LAMA3: variants seen among roughly 807,000 people sequenced by gnomAD.
The protein encoded by LAMA3 is laminin subunit alpha-3.
Under a neutral mutation model 402.0 loss-of-function variants are expected in LAMA3, and 281 were observed. The ratio of observed to expected loss-of-function variants is 0.70; its 90% CI spans 0.63 to 0.77. The LOEUF (loss-of-function observed/expected upper bound fraction) is 0.77, where lower values mean the gene tolerates loss of function less well. LAMA3 is among the 30% of genes least tolerant of loss of function. LAMA3 has a pLI of 0.00. For missense variants in LAMA3, 3,840 were observed against 4,215.5 expected, an observed-to-expected ratio of 0.91 and a Z score of 2.47; for synonymous variants, 1,431 against 1,558.4, an observed-to-expected ratio of 0.92 and a Z score of 1.93.
intron 10 of LAMA3, among the ~76,000 whole-genome samples, chr18:23,776,439 T>C (rs2062320479): frequency 6.6e-6 from 1 of 152,132 alleles, no homozygotes; most frequent in Non-Finnish European, 1.5e-5. Context: ...CTGTAGAGCA[T>C]GAAACAGGAG....
chr18:23,711,907 G>A (rs2060996951), intron 1 of LAMA3, among the ~76,000 whole-genome samples: 1 of 152,136 alleles, frequency 6.6e-6, no homozygotes, highest in Admixed American at 6.5e-5. Flanking sequence ...TAAATCATAA[G>A]CATTCCCATT....
At chr18:23,951,898 CG>C in intron 73 of LAMA3, 121 bp downstream of exon 73, 1 of 751,010 alleles carries the variant, frequency 1.3e-6, no homozygotes, top group Non-Finnish European at 2.4e-6. Flanking sequence ...GGCCAGCCCC[CG>C]AGGCTAACGT....
At chr18:23,767,688 C>T (rs1221095704) in intron 8 of LAMA3, among the ~76,000 whole-genome samples, 1 of 151,540 alleles carries the variant, frequency 6.6e-6, no homozygotes, top group African/African-American at 2.4e-5. Flanking sequence ...ATTCTCCTGC[C>T]TCAGCCTCCC....
chr18:23,806,952 C>T (rs140436933), intron 12 of LAMA3, among the ~76,000 whole-genome samples: 3 of 152,272 alleles, frequency 2.0e-5, no homozygotes, highest in African/African-American at 2.4e-5. Context: ...ATTAGTTTGA[C>T]GGAAATGTTC....
intron 12 of LAMA3, among the ~76,000 whole-genome samples, chr18:23,787,192 G>T (rs1359408006): frequency 1.3e-5 from 2 of 152,178 alleles, no homozygotes; most frequent in Non-Finnish European, 2.9e-5. Context: ...TGAGGCAAGA[G>T]AATTGCTTGA....
chr18:23,851,949 CT>C (rs2063955128), intron 32 of LAMA3, among the ~76,000 whole-genome samples: 1 of 144,498 alleles, frequency 6.9e-6, no homozygotes, highest in Non-Finnish European at 1.5e-5. Context: ...CCATTTCTCC[CT>C]TTGGGTTAAA....
chr18:23,857,886 T>G lies in LAMA3; in HGVS notation c.4179T>G (p.Ala1393=). The change falls in exon 33 of 75, where the codon GCT becomes GCG. Residue 1393 remains alanine (A), a synonymous_variant. Coordinates refer to ENST00000313654, the MANE Select transcript of LAMA3 (RefSeq NM_198129.4). ...CAGGGCGGCAGTGTGACCGATGTGC[T>G]TCCGGGTTTTACCGCTTTCCTGAGT... The part of the protein sequence containing the change: ...RITGRQCDRC[A]SGFYRFPECV... 2 of 1,614,262 alleles carry G rather than the reference T, an allele frequency of 1.2e-6. No homozygotes were observed. The highest frequency in any genetic ancestry group is 1.7e-6 in the Non-Finnish European group (2 of 1,180,046).
intron 1 of LAMA3, among the ~76,000 whole-genome samples, chr18:23,708,433 A>G (rs924678365): frequency 3.3e-5 from 5 of 152,174 alleles, no homozygotes; most frequent in African/African-American, 1.2e-4. Flanking sequence ...TATTGTCTCT[A>G]TAGCTTAATT....
In LAMA3 at chr18:23,714,042, CA is replaced by C; in HGVS notation, c.418del (p.Arg140GlufsTer18). 1 of 1,613,908 alleles carries C rather than the reference CA, an allele frequency of 6.2e-7. No individual in the cohort carries two copies. Among genetic ancestry groups the C allele is most frequent in the Non-Finnish European group, 8.5e-7 (1 of 1,179,958 alleles). ...PPLSSGTQYNRVNLTLDLGQL... is the reference protein window; with the variant it reads ...PPLSSGTQYNXVNLTLDLGQL... ...CCCTGTCCTCAGGCACACAGTACAA[CA>C]GAGTCAACCTCACCTTGGATCTGGG... On this transcript the variant is annotated frameshift_variant, in exon 2 of 75. Transcript: ENST00000313654. LOFTEE classifies it high-confidence loss of function.
At chr18:23,747,883 T>C in intron 2 of LAMA3, 60 bp from the exon 3 acceptor site, 1 of 963,662 alleles carries the variant, frequency 1.0e-6, no homozygotes, top group South Asian at 1.3e-5. Context: ...CACATAGAGA[T>C]GGTAGAAGCT....
chr18:23,698,276 G>C (rs1000025785), intron 1 of LAMA3, among the ~76,000 whole-genome samples: 2 of 146,660 alleles, frequency 1.4e-5, no homozygotes, highest in African/African-American at 5.1e-5. Flanking sequence ...GCGCGATCTC[G>C]GCTCACTGCG....
intron 55 of LAMA3, among the ~76,000 whole-genome samples, chr18:23,910,705 A>G (rs542605097): frequency 3.9e-5 from 6 of 152,192 alleles, no homozygotes; most frequent in African/African-American, 1.4e-4. Context: ...ACACACAAAG[A>G]TTTTTTTTAA....
chr18:23,881,413 G>T (rs543312119), intron 39 of LAMA3, among the ~76,000 whole-genome samples: 1 of 152,288 alleles, frequency 6.6e-6, no homozygotes, highest in East Asian at 1.9e-4. Flanking sequence ...ATTGTTAGGT[G>T]AACCGTGAAG....
intron 32 of LAMA3, 75 bp downstream of exon 32, chr18:23,847,743 T>C: frequency 1.4e-6 from 2 of 1,452,644 alleles, no homozygotes; most frequent in Non-Finnish European, 1.9e-6. Context: ...CTGGTCATCG[T>C]CACTTTCCAC....
At chr18:23,701,516 A>T (rs1194356956) in intron 1 of LAMA3, among the ~76,000 whole-genome samples, 1 of 152,202 alleles carries the variant, frequency 6.6e-6, no homozygotes, top group Non-Finnish European at 1.5e-5. Flanking sequence ...TGGTTGGTTA[A>T]AAACTTCTGA....
At chr18:23,886,873 A>G (rs2065089783) in intron 41 of LAMA3, among the ~76,000 whole-genome samples, 1 of 152,154 alleles carries the variant, frequency 6.6e-6, no homozygotes, top group South Asian at 2.1e-4. Flanking sequence ...GAGGCAGGTT[A>G]GGTTGGGGAA....
intron 12 of LAMA3, among the ~76,000 whole-genome samples, chr18:23,793,331 T>C (rs8091948): frequency 0.79 from 120,369 of 151,710 alleles, 48,519 homozygotes; most frequent in African/African-American, 0.94. Context: ...TGGCTTACCC[T>C]GGGAGGGGCA....
chr18:23,893,480 G>A (rs2080764648), intron 42 of LAMA3, among the ~76,000 whole-genome samples: 1 of 152,176 alleles, frequency 6.6e-6, no homozygotes, highest in African/African-American at 2.4e-5. Flanking sequence ...CTACTTGGGA[G>A]GCTGAGGCAG....
chr18:23,693,618 A>G (rs187053168), intron 1 of LAMA3, among the ~76,000 whole-genome samples: 1 of 152,118 alleles, frequency 6.6e-6, no homozygotes, highest in African/African-American at 2.4e-5. Flanking sequence ...ACAGACTTCT[A>G]TAGCCTTCTA....
Sources: allele counts gnomAD v4.1 joint callset (sites outside exome capture counted in the v4.1 genomes callset), GRCh38; gene constraint gnomAD v4.1.1; transcripts MANE v1.5; gene names NCBI Gene and HGNC (gene_info 2026-07-23, HGNC 2026-07-21).